The following CHL1 variants were observed in gnomAD, a reference collection of about 807,000 sequenced individuals.
The protein encoded by CHL1 is cell adhesion molecule L1 like.
A neutral mutation model predicts 141.9 loss-of-function variants in CHL1; 96 were observed. The observed-to-expected ratio is 0.68, with a 90% CI of 0.57 to 0.80. CHL1 has a LOEUF of 0.80. Ranked by LOEUF, CHL1 falls within the 30% of genes least tolerant of loss-of-function variation. The pLI, the probability that CHL1 is intolerant of heterozygous loss-of-function variation, is 0.00. For missense variants in CHL1, 1,820 were observed against 1,457.2 expected (o/e 1.25, Z -4.05); for synonymous variants, 613 against 502.2 (o/e 1.22, Z -2.95).
At chr3:233,481 T>C (rs1691610292) in intron 1 of CHL1, among the ~76,000 whole-genome samples, 1 of 152,340 alleles carries the variant, frequency 6.6e-6, no homozygotes, top group East Asian at 1.9e-4. Flanking sequence ...TCTTAGCTTG[T>C]TTATTTTGAT....
chr3:244,166 C>T (rs1190867234), intron 1 of CHL1, among the ~76,000 whole-genome samples: 1 of 152,168 alleles, frequency 6.6e-6, no homozygotes, highest in Non-Finnish European at 1.5e-5. Flanking sequence ...TCTTTCAATG[C>T]TTCCTGACGA....
At chr3:298,211 C>T (rs1028676696) in intron 2 of CHL1, among the ~76,000 whole-genome samples, 1 of 152,112 alleles carries the variant, frequency 6.6e-6, no homozygotes, top group Non-Finnish European at 1.5e-5. Context: ...TTTCAGAAAA[C>T]ACTTACTGGA....
chr3:308,587 A>C (rs1026010120), intron 2 of CHL1: 2 of 150,370 alleles, frequency 1.3e-5, no homozygotes, highest in Non-Finnish European at 3.0e-5. Context: ...TTATATATAT[A>C]GATAATATCT....
At chr3:282,503 T>A (rs1370348098) in intron 2 of CHL1, among the ~76,000 whole-genome samples, 1 of 152,206 alleles carries the variant, frequency 6.6e-6, no homozygotes, top group Non-Finnish European at 1.5e-5. Flanking sequence ...GAAGGATCCT[T>A]AACATTTTTG....
Position 409,089 on chromosome 3 carries a change from A to C in CHL1, c.*3378A>C, listed in dbSNP as rs1218975202. On this transcript the variant is annotated 3_prime_UTR_variant, in exon 28 of 28. Coordinates refer to ENST00000256509, the MANE Select transcript of CHL1 (RefSeq NM_006614.4). ...TTCATGTAACAATGTTAAATTAATT[A>C]TAATGGGATTGGGTTTGTTATCTGT... The C allele has an allele frequency of 6.6e-6, 1 of 152,108 alleles. No homozygotes were observed. Among genetic ancestry groups the C allele is most frequent in the Non-Finnish European group, 1.5e-5 (1 of 67,976 alleles). 9.4% of individuals were successfully genotyped at this position (152,108 alleles called of 1,614,324 possible).
At chr3:230,593 T>A (rs1024028116) in intron 1 of CHL1, among the ~76,000 whole-genome samples, 4 of 152,186 alleles carry the variant, frequency 2.6e-5, no homozygotes, top group African/African-American at 9.7e-5. Context: ...CACTTGACCT[T>A]TGTCACTTGT....
intron 11 of CHL1, among the ~76,000 whole-genome samples, chr3:358,666 C>G (rs1188349686): frequency 3.9e-5 from 6 of 152,008 alleles, no homozygotes; most frequent in East Asian, 3.9e-4. Flanking sequence ...ACTGCACAAC[C>G]TCACACTCAG....
chr3:244,343 G>A lies in CHL1; in HGVS notation c.-174-270G>A, dbSNP rs115054403. Among the ~76,000 whole-genome samples the A allele has an allele frequency of 3.6e-3, 543 of 152,220 alleles. 1 individual carries two copies. Among genetic ancestry groups the A allele is most frequent in the African/African-American group, 0.012 (516 of 41,538 alleles). Reference sequence around the variant, plus strand: ...GTGAATTCATGAGAGAAGACACATCGATAATGTTTTCAATGAGAAGTGTAA... The same window carrying A: ...GTGAATTCATGAGAGAAGACACATCAATAATGTTTTCAATGAGAAGTGTAA... On this transcript the variant is annotated intron_variant, in intron 1 of 27. Coordinates refer to ENST00000256509, the MANE Select transcript of CHL1 (RefSeq NM_006614.4).
chr3:253,835 C>G (rs1456945921), intron 2 of CHL1, among the ~76,000 whole-genome samples: 1 of 147,704 alleles, frequency 6.8e-6, no homozygotes, highest in Admixed American at 6.8e-5. Flanking sequence ...TGACACTTTT[C>G]TAAAAGTGCT....
Position 361,829 on chromosome 3 carries a change from G to T in CHL1, c.1418+19G>T. The T allele has an allele frequency of 2.7e-6, 4 of 1,469,962 alleles. No individual in the cohort carries two copies. The highest frequency in any genetic ancestry group is 2.9e-6 in the Non-Finnish European group (3 of 1,049,374). 91.1% of individuals were successfully genotyped at this position (1,469,962 alleles called of 1,614,324 possible). On this transcript the variant is annotated intron_variant, in intron 13 of 27. Coordinates refer to ENST00000256509, the MANE Select transcript of CHL1 (RefSeq NM_006614.4). ...TGTCCTGGTAAGCCGGTGGCTCATG[G>T]TTTTCTTAAGAGAATGTCAATTGTA... is the stretch of plus-strand genomic sequence containing the variant.
chr3:360,527 G>A, intron 12 of CHL1, 103 bp downstream of exon 12: 1 of 1,156,606 alleles, frequency 8.6e-7, no homozygotes, highest in East Asian at 2.5e-5. Flanking sequence ...TATATGGAGG[G>A]AAAAATCAAA....
At chr3:331,149 C>A (rs9834843) in intron 5 of CHL1, among the ~76,000 whole-genome samples, 10,550 of 152,180 alleles carry the variant, frequency 0.069, 1,204 homozygotes, top group African/African-American at 0.24. Flanking sequence ...ATACGTTTAT[C>A]ACCAGGGTCA....
intron 2 of CHL1, chr3:309,440 CTT>C (rs1559233548): frequency 2.0e-5 from 3 of 146,730 alleles, no homozygotes; most frequent in African/African-American, 7.9e-5. Flanking sequence ...CTTTCTCTTT[CTT>C]TCTTTTCTCT....
chr3:365,801 A>G (rs1462480325), intron 14 of CHL1, 149 bp from the exon 15 acceptor site: 1 of 567,474 alleles, frequency 1.8e-6, no homozygotes, highest in East Asian at 3.1e-5. Context: ...AATAATAATG[A>G]CATACAATGT....
rs1057293578 is a variant in CHL1 at position 276,173 on chromosome 3, G to A, written c.-95+31481G>A. 3.3e-5 allele frequency among the ~76,000 whole-genome samples: 5 copies of A among 152,064 alleles called. No individual in the cohort carries two copies. The East Asian group carries it at 5.8e-4, about 18-fold the overall frequency. On this transcript the variant is annotated intron_variant, in intron 2 of 27. Transcript: ENST00000256509. ...TATATTTTTCCGACCTGTCTAAAAT[G>A]CTGTGAAGGTAAAGATCATTATGTC... is the stretch of plus-strand genomic sequence containing the variant.
At chr3:322,986 C>T (rs1208807345) in intron 3 of CHL1, among the ~76,000 whole-genome samples, 1 of 151,874 alleles carries the variant, frequency 6.6e-6, no homozygotes, top group Non-Finnish European at 1.5e-5. Flanking sequence ...GGAATACATA[C>T]TTTCTAACAT....
intron 1 of CHL1, among the ~76,000 whole-genome samples, chr3:198,722 G>C (rs546297721): frequency 6.6e-6 from 1 of 152,176 alleles, no homozygotes; most frequent in South Asian, 2.1e-4. Context: ...TTAATCCTCA[G>C]TTTAATTACA....
intron 4 of CHL1, among the ~76,000 whole-genome samples, chr3:327,009 T>C (rs1260760677): frequency 6.6e-6 from 1 of 151,918 alleles, no homozygotes; most frequent in Non-Finnish European, 1.5e-5. Flanking sequence ...GGATAATTTA[T>C]TCAATCAATA....
intron 2 of CHL1, among the ~76,000 whole-genome samples, chr3:314,368 T>TATATAC (rs1368911821): frequency 7.5e-6 from 1 of 134,032 alleles, no homozygotes; most frequent in Admixed American, 7.7e-5. Flanking sequence ...TATATATATA[T>TATATAC]ATCTGCTTCA....
Sources: allele counts gnomAD v4.1 joint callset (sites outside exome capture counted in the v4.1 genomes callset), GRCh38; gene constraint gnomAD v4.1.1; transcripts MANE v1.5; gene names NCBI Gene and HGNC (gene_info 2026-07-23, HGNC 2026-07-21).